CDK6: variants seen among roughly 807,000 people sequenced by gnomAD.
CDK6 encodes the protein cyclin-dependent kinase 6.
In CDK6, 6 loss-of-function variants were observed where a neutral mutation model predicts 37.1. That is an observed-to-expected ratio of 0.16 (90% confidence interval 0.09 to 0.32). The LOEUF is 0.32. CDK6 is among the 10% of genes least tolerant of loss of function. The pLI, the probability that CDK6 is intolerant of heterozygous loss-of-function variation, is 1.00. For missense variants in CDK6, 224 were observed against 418.9 expected (o/e 0.53, Z 4.06); for synonymous variants, 160 against 161.3 (o/e 0.99, Z 0.06).
At chr7:92,719,660 T>G (rs1798320660) in intron 4 of CDK6, among the ~76,000 whole-genome samples, 1 of 152,174 alleles carries the variant, frequency 6.6e-6, no homozygotes, top group Admixed American at 6.5e-5. Flanking sequence ...ACAGGTGTGT[T>G]TGGCACAGGC....
chr7:92,712,795 T>C (rs914468509), intron 4 of CDK6, among the ~76,000 whole-genome samples: 7 of 152,228 alleles, frequency 4.6e-5, no homozygotes, highest in Non-Finnish European at 1.0e-4. Context: ...AGTTTGGGTA[T>C]AAGAACATGT....
intron 4 of CDK6, among the ~76,000 whole-genome samples, chr7:92,675,677 T>C (rs1797185922): frequency 6.6e-6 from 1 of 152,208 alleles, no homozygotes; most frequent in Admixed American, 6.5e-5. Flanking sequence ...AATCAGTTTC[T>C]TGAGGGTCAA....
intron 4 of CDK6, among the ~76,000 whole-genome samples, chr7:92,700,643 C>G (rs1004052): frequency 0.065 from 9,825 of 152,212 alleles, 651 homozygotes; most frequent in East Asian, 0.33. Flanking sequence ...GTTGGACATA[C>G]ATGAGTTCCC....
intron 3 of CDK6, among the ~76,000 whole-genome samples, chr7:92,753,609 C>T (rs1270522531): frequency 1.3e-5 from 2 of 152,150 alleles, no homozygotes; most frequent in Admixed American, 6.6e-5. Context: ...TCTCCTGCCT[C>T]AGCCTCCCGA....
intron 4 of CDK6, among the ~76,000 whole-genome samples, chr7:92,698,953 GCTT>G (rs1797780521): frequency 6.6e-6 from 1 of 152,096 alleles, no homozygotes; most frequent in South Asian, 2.1e-4. Context: ...ATGGGCTCTG[GCTT>G]ATGAAATAAG....
intron 5 of CDK6, among the ~76,000 whole-genome samples, chr7:92,628,988 G>A (rs572856425): frequency 2.0e-5 from 3 of 152,168 alleles, no homozygotes; most frequent in African/African-American, 7.2e-5. Context: ...AGGCAAAACG[G>A]TATAGGATTA....
chr7:92,747,628 A>C (rs924988473), intron 3 of CDK6, among the ~76,000 whole-genome samples: 1 of 152,180 alleles, frequency 6.6e-6, no homozygotes, highest in African/African-American at 2.4e-5. Flanking sequence ...ATATTCTAAA[A>C]AAATTGCCAC....
At chr7:92,625,709 G>GT (rs1451647927) in intron 5 of CDK6, among the ~76,000 whole-genome samples, 1 of 151,992 alleles carries the variant, frequency 6.6e-6, no homozygotes, top group East Asian at 1.9e-4. Flanking sequence ...TGTAATCTCA[G>GT]TAACAGTGGC....
At chr7:92,662,700 GCAAAAC>G (rs1796866579) in intron 5 of CDK6, among the ~76,000 whole-genome samples, 1 of 152,122 alleles carries the variant, frequency 6.6e-6, no homozygotes, top group African/African-American at 2.4e-5. Flanking sequence ...CCACGTATTT[GCAAAAC>G]ACTTCTGTCA....
At chr7:92,812,273 T>C (rs1036124472) in intron 2 of CDK6, among the ~76,000 whole-genome samples, 7 of 152,208 alleles carry the variant, frequency 4.6e-5, no homozygotes, top group African/African-American at 1.7e-4. Flanking sequence ...TTAAGACACA[T>C]AGTCATGTGG....
chr7:92,756,042 C>T (rs909764760), intron 3 of CDK6, among the ~76,000 whole-genome samples: 44 of 152,072 alleles, frequency 2.9e-4, no homozygotes, highest in Admixed American at 6.6e-5. Context: ...TCCACTTTCT[C>T]CCTTTAATAT....
chr7:92,672,184 G>GACACAAACACACAC, intron 4 of CDK6, among the ~76,000 whole-genome samples: 1 of 44,138 alleles, frequency 2.3e-5, no homozygotes, highest in East Asian at 1.2e-3. Context: ...CACACACACA[G>GACACAAACACACAC]ACACATACAC....
chr7:92,713,155 G>A (rs1367311260), intron 4 of CDK6, among the ~76,000 whole-genome samples: 1 of 152,068 alleles, frequency 6.6e-6, no homozygotes, highest in South Asian at 2.1e-4. Context: ...CACTGCGCCC[G>A]GTTGACATTA....
chr7:92,636,056 G>GTTA (rs550365743), intron 5 of CDK6, among the ~76,000 whole-genome samples: 4 of 152,030 alleles, frequency 2.6e-5, no homozygotes, highest in Non-Finnish European at 5.9e-5. Flanking sequence ...TTTTAAATTT[G>GTTA]TTATTATTAT....
At chr7:92,773,451 A>G (rs1799769399) in intron 3 of CDK6, among the ~76,000 whole-genome samples, 1 of 152,184 alleles carries the variant, frequency 6.6e-6, no homozygotes, top group Admixed American at 6.5e-5. Flanking sequence ...TGTATAAGAA[A>G]AAGGACTATG....
At chr7:92,746,055 T>TC (rs1283341027) in intron 3 of CDK6, among the ~76,000 whole-genome samples, 1 of 152,148 alleles carries the variant, frequency 6.6e-6, no homozygotes, top group Non-Finnish European at 1.5e-5. Context: ...AAAATGGCTT[T>TC]CCCCCAACTC....
intron 2 of CDK6, among the ~76,000 whole-genome samples, chr7:92,824,479 A>T (rs2015721146): frequency 6.6e-6 from 1 of 152,160 alleles, no homozygotes; most frequent in Admixed American, 6.5e-5. Context: ...TCTCAGCAGC[A>T]TTTGGTCCAC....
intron 4 of CDK6, among the ~76,000 whole-genome samples, chr7:92,681,084 C>T (rs1224846846): frequency 1.3e-5 from 2 of 152,212 alleles, no homozygotes; most frequent in East Asian, 3.8e-4. Context: ...TAGAGGCAAT[C>T]ACCTAGACTG....
In CDK6 at chr7:92,614,893, T is replaced by C. The variant is rs979821309; in HGVS notation, c.*247A>G. On this transcript the variant is annotated 3_prime_UTR_variant, in exon 8 of 8. Transcript: ENST00000424848. The stretch of plus-strand genomic sequence containing the variant: ...CAGCAGCTTCTCTTCTTCTGGAATT[T>C]TTCCAGGTTCTTGAAACAAACAGAC... 2.8e-5 allele frequency: 12 copies of C among 423,876 alleles called. No individual in the cohort carries two copies. Among genetic ancestry groups the C allele is most frequent in the East Asian group, 1.0e-4 (3 of 29,984 alleles). The allele number at this position is 423,876 out of a possible 1,614,324, so 26.3% of individuals were successfully genotyped here.
Sources: allele counts gnomAD v4.1 joint callset (sites outside exome capture counted in the v4.1 genomes callset), GRCh38; gene constraint gnomAD v4.1.1; transcripts MANE v1.5; gene names NCBI Gene and HGNC (gene_info 2026-07-23, HGNC 2026-07-21).